Variants in RBPJ observed in about 807,000 individuals in gnomAD.
RBPJ encodes recombination signal binding protein for immunoglobulin kappa J region.
RBPJ carries 9 observed loss-of-function variants against 67.8 expected under a neutral mutation model. The observed-to-expected ratio is 0.13, with a 90% CI of 0.08 to 0.23. The LOEUF (loss-of-function observed/expected upper bound fraction) is 0.23. RBPJ is among the 10% of genes least tolerant of loss of function. The pLI, the probability that RBPJ is intolerant of heterozygous loss-of-function variation, is 1.00. For synonymous variants in RBPJ, 198 were observed against 203.3 expected (o/e 0.97, Z 0.22); for missense variants, 305 against 595.6 (o/e 0.51, Z 5.08).
the RBPJ span, chr4:26,112,921 GT>G: frequency 6.5e-6 from 1 of 153,048 alleles, no homozygotes; most frequent in Admixed American, 6.5e-5. Context: ...CCGGCTAATT[GT>G]TTTGTATTTT....
chr4:26,408,523 T>C (rs993023477), intron 3 of RBPJ, among the ~76,000 whole-genome samples: 1 of 152,158 alleles, frequency 6.6e-6, no homozygotes, highest in South Asian at 2.1e-4. Flanking sequence ...CCCATCATTA[T>C]GGAGGAAGAA....
At chr4:26,183,773 G>C (rs908346008) in intron 1 of RBPJ, among the ~76,000 whole-genome samples, 2 of 152,158 alleles carry the variant, frequency 1.3e-5, no homozygotes, top group Non-Finnish European at 2.9e-5. Context: ...ACTTTGGGAG[G>C]CTGAGGCGAG....
the RBPJ span, among the ~76,000 whole-genome samples, chr4:26,134,126 GA>G: frequency 6.6e-6 from 1 of 152,108 alleles, no homozygotes; most frequent in East Asian, 1.9e-4. Flanking sequence ...CAGGATGGTT[GA>G]AATCTGAAAC....
At chr4:26,428,377 G>A (rs780393054) in intron 7 of RBPJ, among the ~76,000 whole-genome samples, 3 of 152,146 alleles carry the variant, frequency 2.0e-5, no homozygotes, top group Non-Finnish European at 2.9e-5. Flanking sequence ...AGTCCTGCTA[G>A]ATCAGAACCT....
chr4:26,303,780 A>AT (rs567072378), intron 1 of RBPJ, among the ~76,000 whole-genome samples: 57 of 152,194 alleles, frequency 3.7e-4, no homozygotes, highest in Non-Finnish European at 6.8e-4. Flanking sequence ...CCGTGTCTCT[A>AT]TTTTTTTAAA....
the RBPJ span, chr4:26,113,680 ATTC>A: frequency 2.3e-4 from 62 of 269,418 alleles, no homozygotes; most frequent in Admixed American, 4.0e-4. Context: ...AGTGTGGAAA[ATTC>A]TTCTGTGTGA....
At chr4:26,426,124 CAG>C (rs754842970) in intron 7 of RBPJ, among the ~76,000 whole-genome samples, 49 of 152,218 alleles carry the variant, frequency 3.2e-4, no homozygotes, top group African/African-American at 9.6e-4. Context: ...GCATGAAAAA[CAG>C]AGCAGGAGAC....
chr4:26,404,645 A>C (rs1195182830), intron 2 of RBPJ, among the ~76,000 whole-genome samples: 1 of 152,190 alleles, frequency 6.6e-6, no homozygotes, highest in African/African-American at 2.4e-5. Flanking sequence ...GATTATGAGG[A>C]TTAAATAAAA....
the RBPJ span, among the ~76,000 whole-genome samples, chr4:26,143,936 A>G: frequency 1.3e-5 from 2 of 152,226 alleles, no homozygotes; most frequent in African/African-American, 4.8e-5. Flanking sequence ...TCAAAAAACA[A>G]ACAAAAAACA....
the RBPJ span, among the ~76,000 whole-genome samples, chr4:26,140,805 G>A: frequency 1.4e-5 from 2 of 144,958 alleles, no homozygotes; most frequent in South Asian, 4.4e-4. Flanking sequence ...GTGGATGCCC[G>A]AGCCCAATCT....
chr4:26,366,876 A>G (rs1728686875), intron 1 of RBPJ, among the ~76,000 whole-genome samples: 1 of 152,122 alleles, frequency 6.6e-6, no homozygotes, highest in Non-Finnish European at 1.5e-5. Context: ...CTGTAATCCC[A>G]GCACTTTGGG....
intron 1 of RBPJ, among the ~76,000 whole-genome samples, chr4:26,191,237 AGAGATAGAGAGAGAGAGAGG>A (rs1337535121): frequency 4.5e-5 from 5 of 111,836 alleles, no homozygotes; most frequent in African/African-American, 1.4e-4. Flanking sequence ...AGAGAGAGAG[AGAGATAGAGAGAGAGAGAGG>A]GAGAGAGGGA....
chr4:26,209,450 A>G (rs978671378), intron 1 of RBPJ, among the ~76,000 whole-genome samples: 14 of 152,138 alleles, frequency 9.2e-5, no homozygotes, highest in Non-Finnish European at 1.8e-4. Flanking sequence ...GTTGTGGAAA[A>G]AAGTTTTGTG....
intron 1 of RBPJ, among the ~76,000 whole-genome samples, chr4:26,221,102 T>C (rs1035798730): frequency 6.6e-6 from 1 of 152,228 alleles, no homozygotes; most frequent in Non-Finnish European, 1.5e-5. Context: ...TTTGTTTTGT[T>C]TTGTTTGAGA....
At position 26,261,056 on chromosome 4, in the gene RBPJ, A is replaced by T. The variant is rs577748003; in HGVS notation, c.-167+97442A>T. Among the ~76,000 whole-genome samples the T allele has an allele frequency of 3.3e-5, 5 of 152,350 alleles. No individual in the cohort carries two copies. The South Asian group carries it at 8.3e-4, about 25-fold the overall frequency. On this transcript the variant is annotated intron_variant, in intron 1 of 4. Coordinates refer to the RBPJ transcript ENST00000512351. ...AAAAGGTATGAAGAAAATGAGGGAG[A>T]CACATAGGAAGAGGCATTATCATGC...
chr4:26,140,101 G>A, the RBPJ span, among the ~76,000 whole-genome samples: 2 of 152,122 alleles, frequency 1.3e-5, no homozygotes, highest in African/African-American at 4.8e-5. Flanking sequence ...TAGAGATAGT[G>A]GTGACTTCAG....
chr4:26,423,701 T>C lies in RBPJ; in HGVS notation c.497-641T>C, dbSNP rs565666701. Among the ~76,000 whole-genome samples, 7 of 152,346 alleles carry C rather than the reference T, an allele frequency of 4.6e-5. No individual in the cohort carries two copies. In the South Asian group the frequency reaches 1.0e-3, roughly 23 times the overall value. Reference sequence around the variant, plus strand: ...ATTAGTTTCTTGATGGCAGAGAACATATTTCACTTTCAGAATGTTTTTCTG... The same window carrying C: ...ATTAGTTTCTTGATGGCAGAGAACACATTTCACTTTCAGAATGTTTTTCTG... On this transcript the variant is annotated intron_variant, in intron 5 of 10. Transcript: ENST00000355476.
intron 4 of RBPJ, among the ~76,000 whole-genome samples, chr4:26,420,303 A>T (rs1212895992): frequency 6.6e-6 from 1 of 152,176 alleles, no homozygotes; most frequent in South Asian, 2.1e-4. Flanking sequence ...CTGTTTTTTT[A>T]AATGGTCTTT....
At chr4:26,130,777 G>A in the RBPJ span, among the ~76,000 whole-genome samples, 2 of 152,174 alleles carry the variant, frequency 1.3e-5, no homozygotes, top group Admixed American at 6.5e-5. Context: ...ACCTGAAAAT[G>A]TACAAATATA....
Sources: allele counts gnomAD v4.1 joint callset (sites outside exome capture counted in the v4.1 genomes callset), GRCh38; gene constraint gnomAD v4.1.1; transcripts MANE v1.5; gene names NCBI Gene and HGNC (gene_info 2026-07-23, HGNC 2026-07-21).